Variants in PFKFB4 observed in about 807,000 individuals in gnomAD.
PFKFB4 encodes 6-phosphofructo-2-kinase/fructose-2,6-bisphosphatase 4.
In PFKFB4, 42 loss-of-function variants were observed where a neutral mutation model predicts 62.8. That is an observed-to-expected ratio of 0.67 (90% CI 0.52 to 0.86). The LOEUF (loss-of-function observed/expected upper bound fraction) is 0.86, where lower values mean the gene tolerates loss of function less well. Ranked by LOEUF, PFKFB4 falls within the 40% of genes least tolerant of loss-of-function variation. The pLI is 0.00. For missense variants in PFKFB4, 475 were observed against 627.2 expected (o/e 0.76, Z 2.59); for synonymous variants, 204 against 240.7 (o/e 0.85, Z 1.41).
chr3:48,549,965 A>G lies in PFKFB4; in HGVS notation c.215-5T>C. ...GATACTGGCCAACATTGAACTCTGG[A>G]GGGAAGGAGAGGCTCAGCTTTCACA... On this transcript the variant is annotated splice_region_variant and splice_polypyrimidine_tract_variant and intron_variant, in intron 2 of 13. Coordinates refer to ENST00000232375, the MANE Select transcript of PFKFB4 (RefSeq NM_004567.4). 1 of 1,604,556 alleles carries G rather than the reference A, an allele frequency of 6.2e-7. No homozygotes were observed. Among genetic ancestry groups the G allele is most frequent in the Non-Finnish European group, 8.5e-7 (1 of 1,171,302 alleles).
chr3:48,533,931 G>A (rs922210993), intron 9 of PFKFB4, among the ~76,000 whole-genome samples: 12 of 152,202 alleles, frequency 7.9e-5, no homozygotes, highest in Non-Finnish European at 4.4e-5. Context: ...TGATCCTTGA[G>A]AGAAGGGAAG....
At chr3:48,527,258 CTT>C (rs71074257) in intron 9 of PFKFB4, among the ~76,000 whole-genome samples, 1 of 137,694 alleles carries the variant, frequency 7.3e-6, no homozygotes, top group Non-Finnish European at 1.6e-5. Context: ...TAAACTAATA[CTT>C]TTTTTTTTTT....
At chr3:48,532,162 T>C (rs913607335) in intron 9 of PFKFB4, among the ~76,000 whole-genome samples, 5 of 151,954 alleles carry the variant, frequency 3.3e-5, no homozygotes, top group African/African-American at 7.3e-5. Context: ...CAAAAAAAAT[T>C]AGCTAGGCAT....
chr3:48,543,923 T>C (rs774886131), intron 3 of PFKFB4, among the ~76,000 whole-genome samples: 1 of 152,140 alleles, frequency 6.6e-6, no homozygotes, highest in Non-Finnish European at 1.5e-5. Flanking sequence ...TGTGCACAAA[T>C]CCATGCTGTC....
intron 7 of PFKFB4, among the ~76,000 whole-genome samples, chr3:48,538,007 G>C (rs915839725): frequency 1.8e-4 from 27 of 152,326 alleles, no homozygotes; most frequent in Middle Eastern, 3.4e-3. Flanking sequence ...TGTTCTGTAA[G>C]ACAGGATTTG....
chr3:48,525,631 A>G lies in PFKFB4; in HGVS notation c.1026T>C (p.Asp342=), dbSNP rs765796334. 2 of 1,607,818 alleles carry G rather than the reference A, an allele frequency of 1.2e-6. No individual in the cohort carries two copies. Among genetic ancestry groups the G allele is most frequent in the South Asian group, 2.2e-5 (2 of 90,622 alleles). ...GCAGGGCGAACTCCAGTGGATAATTATCCTGAATTTCCTCGTAGGTCATTT... is the reference window on the plus strand; with the variant it reads ...GCAGGGCGAACTCCAGTGGATAATTGTCCTGAATTTCCTCGTAGGTCATTT... ...CEEMTYEEIQ[D]NYPLEFALRD... The change falls in exon 10 of 14, where the codon GAT becomes GAC. Residue 342 remains aspartate (D), a synonymous_variant. Transcript: ENST00000232375.
Position 48,556,357 on chromosome 3 carries a change from C to T in PFKFB4, c.97+324G>A. 1 of 536,172 alleles carries T rather than the reference C, an allele frequency of 1.9e-6. No individual in the cohort carries two copies. The allele number at this position is 536,172 out of a possible 1,614,324, so 33.2% of individuals were successfully genotyped here. On this transcript the variant is annotated intron_variant, in intron 1 of 13. Coordinates refer to ENST00000232375, the MANE Select transcript of PFKFB4 (RefSeq NM_004567.4). The surrounding 1 kb of genome is among the most constrained non-coding windows in gnomAD (Gnocchi z 5.7). Reference sequence around the variant, plus strand: ...CCTGGGGTGCCCACAGGGTCCTCCCCAGACTGGGGGCGATGGGGATTGGAG... The same window carrying T: ...CCTGGGGTGCCCACAGGGTCCTCCCTAGACTGGGGGCGATGGGGATTGGAG...
At chr3:48,534,671 G>GAA (rs778682381) in intron 9 of PFKFB4, among the ~76,000 whole-genome samples, 6 of 90,404 alleles carry the variant, frequency 6.6e-5, no homozygotes, top group African/African-American at 1.6e-4. Context: ...ATCTTGTCTT[G>GAA]AAAAAAAAAA....
Position 48,535,503 on chromosome 3 carries a change from G to T in PFKFB4, c.987+9C>A. 2 of 1,610,028 alleles carry T rather than the reference G, an allele frequency of 1.2e-6. No individual in the cohort carries two copies. Among genetic ancestry groups the T allele is most frequent in the Admixed American group, 1.7e-5 (1 of 59,936 alleles). ...GGGAGGTAGACAGGGAGGGAGGGACGGTAACTACCGCATCGATCTCGTTGA... is the reference window on the plus strand; with the variant it reads ...GGGAGGTAGACAGGGAGGGAGGGACTGTAACTACCGCATCGATCTCGTTGA... On this transcript the variant is annotated intron_variant, in intron 9 of 13. Coordinates refer to ENST00000232375, the MANE Select transcript of PFKFB4 (RefSeq NM_004567.4).
chr3:48,558,097 A>G (rs2043373615), upstream of PFKFB4, among the ~76,000 whole-genome samples: 1 of 152,200 alleles, frequency 6.6e-6, no homozygotes, highest in Non-Finnish European at 1.5e-5. Context: ...TCATTTTAAA[A>G]TACGTTATGG....
chr3:48,556,595 C>T lies in PFKFB4; in HGVS notation c.97+86G>A. On this transcript the variant is annotated intron_variant, in intron 1 of 13. Transcript: ENST00000232375. The surrounding 1 kb of genome is among the most constrained non-coding windows in gnomAD (Gnocchi z 5.7). Reference sequence around the variant, plus strand: ...CCGGTTCCCCATCTGTCTCCCGCCCCTTCTCCATGCGAGACCCCCGCCCAG... The same window carrying T: ...CCGGTTCCCCATCTGTCTCCCGCCCTTTCTCCATGCGAGACCCCCGCCCAG... 2 of 1,448,332 alleles carry T rather than the reference C, an allele frequency of 1.4e-6. No individual in the cohort carries two copies. Among genetic ancestry groups the T allele is most frequent in the South Asian group, 1.3e-5 (1 of 76,046 alleles). The allele number at this position is 1,448,332 out of a possible 1,614,324, so 89.7% of individuals were successfully genotyped here. A position where few individuals can be genotyped will look rare whatever the true frequency, so the allele number is the denominator to read the frequency against.
At chr3:48,562,134 G>GA (rs1241374625), upstream of PFKFB4, 5 of 152,748 alleles carry the variant, frequency 3.3e-5, no homozygotes, top group African/African-American at 1.2e-4. The surrounding 1 kb of genome is among the most constrained non-coding windows in gnomAD (Gnocchi z 4.3). Flanking sequence ...ACGCACATAT[G>GA]CGCCCATAAG....
At chr3:48,525,770 C>T (rs1317203159) in intron 9 of PFKFB4, 101 bp from the exon 10 acceptor site, 16 of 521,198 alleles carry the variant, frequency 3.1e-5, no homozygotes, top group Non-Finnish European at 4.4e-5. Context: ...ACCAAGTTCA[C>T]GGGCATTTCC....
intron 9 of PFKFB4, among the ~76,000 whole-genome samples, chr3:48,531,433 A>T (rs920052292): frequency 2.9e-5 from 4 of 140,248 alleles, no homozygotes; most frequent in Non-Finnish European, 4.7e-5. Flanking sequence ...GGAAGCAGAA[A>T]TTTTTTTTTT....
chr3:48,535,466 C>T, intron 9 of PFKFB4, 46 bp downstream of exon 9: 2 of 1,510,056 alleles, frequency 1.3e-6, no homozygotes, highest in South Asian at 2.3e-5. Flanking sequence ...ATGCAGCAGC[C>T]CTGCGGTATC....
Position 48,536,609 on chromosome 3 carries a change from G to A in PFKFB4, c.633-146C>T, listed in dbSNP as rs74535243. 281 of 638,614 alleles carry A rather than the reference G, an allele frequency of 4.4e-4. 3 individuals carry two copies. In the East Asian group the frequency reaches 6.4e-3, roughly 14 times the overall value. The allele number at this position is 638,614 out of a possible 1,614,324, so 39.6% of individuals were successfully genotyped here. On this transcript the variant is annotated intron_variant, in intron 7 of 13. Coordinates refer to ENST00000232375, the MANE Select transcript of PFKFB4 (RefSeq NM_004567.4). ...CCCTCAGGACCGTCAGCTGGTGTGC[G>A]AGTGATGGGGGTGAGGCGGGAGCAA...
upstream of PFKFB4, chr3:48,562,646 T>C (rs1575411472): frequency 3.8e-6 from 3 of 797,032 alleles, no homozygotes; most frequent in Admixed American, 3.0e-5. The surrounding 1 kb of genome is among the most constrained non-coding windows in gnomAD (Gnocchi z 4.3). Flanking sequence ...CATGTGGCAG[T>C]GTCCAGACAC....
chr3:48,550,791 AC>A, intron 1 of PFKFB4, among the ~76,000 whole-genome samples: 1 of 152,302 alleles, frequency 6.6e-6, no homozygotes, highest in South Asian at 2.1e-4. Flanking sequence ...CTCCATGGCC[AC>A]CGGGAACACC....
At chr3:48,541,910 G>C (rs2042810990) in intron 4 of PFKFB4, among the ~76,000 whole-genome samples, 1 of 152,162 alleles carries the variant, frequency 6.6e-6, no homozygotes, top group Non-Finnish European at 1.5e-5. Context: ...GCTGCAGTGA[G>C]CTATGATTGA....
Sources: gnomAD v4.1 joint callset for allele counts (sites outside exome capture counted in the v4.1 genomes callset) on GRCh38, gnomAD v4.1.1 for gene constraint, Gnocchi (gnomAD v3.1) non-coding constraint, MANE v1.5 for transcripts, NCBI Gene and HGNC (gene_info 2026-07-23, HGNC 2026-07-21) for gene names.